GLG1: variants seen among roughly 807,000 people sequenced by gnomAD.
GLG1 encodes the protein Golgi apparatus protein 1.
In GLG1, 38 loss-of-function variants were observed where a neutral mutation model predicts 160.5. That is an observed-to-expected ratio of 0.24 (90% confidence interval 0.18 to 0.31). The LOEUF (loss-of-function observed/expected upper bound fraction) is 0.31. Among genes scored for constraint, GLG1 ranks in the 10% least tolerant of loss-of-function variants. The pLI, the probability that GLG1 is intolerant of heterozygous loss-of-function variation, is 1.00. For synonymous variants in GLG1, 644 were observed against 543.4 expected (o/e 1.19, Z -2.57); for missense variants, 1,373 against 1,505.2 (o/e 0.91, Z 1.45).
intron 1 of GLG1, among the ~76,000 whole-genome samples, chr16:74,542,145 A>G (rs1482478314): frequency 8.7e-5 from 13 of 149,930 alleles, no homozygotes; most frequent in Non-Finnish European, 1.8e-4. Flanking sequence ...AAGCACATGA[A>G]CCATCTGATG....
chr16:74,525,067 T>C (rs754028759), intron 2 of GLG1, among the ~76,000 whole-genome samples: 48 of 152,352 alleles, frequency 3.2e-4, no homozygotes, highest in Non-Finnish European at 3.2e-4. Flanking sequence ...GCATTTGGGC[T>C]GTTTCCATTT....
rs1002842681 is a variant in GLG1 at position 74,456,790 on chromosome 16, A to C, written c.3266-35T>G. ...GAAATGAATAATAAGAAGAACCTGA[A>C]ACTGTACAGAATAGAGAAATTTCTG... On this transcript the variant is annotated intron_variant, in intron 24 of 25. Transcript: ENST00000422840. 6.5e-6 allele frequency: 8 copies of C among 1,239,798 alleles called. No homozygotes were observed. In the African/African-American group the frequency reaches 1.2e-4, roughly 18 times the overall value. The allele number at this position is 1,239,798 out of a possible 1,614,324, so 76.8% of individuals were successfully genotyped here. A position where few individuals can be genotyped will look rare whatever the true frequency, so the allele number is the denominator to read the frequency against.
chr16:74,457,940 G>T lies in GLG1; in HGVS notation c.3199C>A (p.Leu1067Ile), dbSNP rs1367251345. 6.2e-7 allele frequency: 1 copy of T among 1,613,764 alleles called. No individual in the cohort carries two copies. Among genetic ancestry groups the T allele is most frequent in the Non-Finnish European group, 8.5e-7 (1 of 1,179,646 alleles). Residue 1067 changes from leucine to isoleucine, a missense_variant, in exon 24 of 26, where the codon CTT becomes ATT. Leu to Ile is a conservative substitution (Grantham distance 5, BLOSUM62 2). Transcript: ENST00000422840. Reference protein sequence around the residue: ...SKADIFVDPVLHTACALDIKH... With the variant: ...SKADIFVDPVIHTACALDIKH... ...ATGTCCAGGGCACAAGCAGTATGAA[G>T]TACCGGGTCAACAAAGATGTCTGCT...
intron 2 of GLG1, among the ~76,000 whole-genome samples, chr16:74,516,759 G>A (rs1597296578): frequency 6.6e-6 from 1 of 152,112 alleles, no homozygotes; most frequent in Non-Finnish European, 1.5e-5. Context: ...ATAAACCAAT[G>A]AATCCAGGAG....
chr16:74,600,552 C>T (rs781084615), intron 1 of GLG1, among the ~76,000 whole-genome samples: 5 of 150,888 alleles, frequency 3.3e-5, no homozygotes, highest in African/African-American at 7.3e-5. Context: ...GCCAGTGTGG[C>T]GAAACCCCCG....
chr16:74,486,670 T>C (rs946541428), intron 8 of GLG1, among the ~76,000 whole-genome samples: 1 of 152,132 alleles, frequency 6.6e-6, no homozygotes, highest in African/African-American at 2.4e-5. Context: ...ACTTGGGGCA[T>C]AGATGAAAAA....
At chr16:74,599,896 T>C (rs1418551207) in intron 1 of GLG1, among the ~76,000 whole-genome samples, 4 of 144,124 alleles carry the variant, frequency 2.8e-5, no homozygotes, top group Non-Finnish European at 6.0e-5. Context: ...TAGCCAGGCA[T>C]GGTGGCTGGT....
At chr16:74,490,167 T>G (rs1456329915) in intron 8 of GLG1, among the ~76,000 whole-genome samples, 1 of 152,170 alleles carries the variant, frequency 6.6e-6, no homozygotes, top group Non-Finnish European at 1.5e-5. Context: ...AAGACTCCTA[T>G]CCAGTAAAAA....
chr16:74,546,954 T>A (rs2018065667), intron 1 of GLG1, among the ~76,000 whole-genome samples: 1 of 150,748 alleles, frequency 6.6e-6, no homozygotes, highest in Non-Finnish European at 1.5e-5. Context: ...CAAAGGCTTA[T>A]CACTGAGCAA....
intron 1 of GLG1, 33 bp from the exon 2 acceptor site, chr16:74,532,186 A>G: frequency 1.6e-6 from 1 of 620,754 alleles, no homozygotes; most frequent in Non-Finnish European, 2.2e-6. Flanking sequence ...GATGATGTAA[A>G]AAAAAAAATA....
At chr16:74,478,485 G>T (rs990807250) in intron 11 of GLG1, among the ~76,000 whole-genome samples, 2 of 152,188 alleles carry the variant, frequency 1.3e-5, no homozygotes, top group African/African-American at 4.8e-5. Context: ...CATACCTGGG[G>T]CAGGAGGGAT....
rs764704919 is a variant in GLG1, at chr16:74,465,715, T to C, written c.2628A>G (p.Leu876=). Reference sequence around the variant, plus strand: ...TGCAGACCCTCATGAGGGTGTAGTCTAGCTCTGGGTCCATCATCTCTGTCT... The same window carrying C: ...TGCAGACCCTCATGAGGGTGTAGTCCAGCTCTGGGTCCATCATCTCTGTCT... The part of the protein sequence containing the change: ...LQETEMMDPE[L]DYTLMRVCKQ... Residue 876 remains leucine (L), a synonymous_variant, in exon 19 of 26, where the codon CTA becomes CTG. Coordinates refer to ENST00000422840, the MANE Select transcript of GLG1 (RefSeq NM_001145667.2). 27 of 1,613,756 alleles carry C rather than the reference T, an allele frequency of 1.7e-5. 1 individual carries two copies. In the South Asian group the frequency reaches 2.9e-4, roughly 17 times the overall value.
chr16:74,519,057 T>A (rs1256257532), intron 2 of GLG1, among the ~76,000 whole-genome samples: 1 of 152,172 alleles, frequency 6.6e-6, no homozygotes. Context: ...GTGGCACTAT[T>A]CACAATAGCA....
At chr16:74,456,482 T>G in intron 25 of GLG1, 167 bp downstream of exon 25, 1 of 597,798 alleles carries the variant, frequency 1.7e-6, no homozygotes, top group Non-Finnish European at 2.9e-6. Flanking sequence ...TCAAACGCAC[T>G]TATTGCTAGT....
intron 1 of GLG1, among the ~76,000 whole-genome samples, chr16:74,566,620 C>T (rs79488601): frequency 6.6e-6 from 1 of 152,030 alleles, no homozygotes; most frequent in South Asian, 2.1e-4. Flanking sequence ...GAGCAGGTCT[C>T]TTTTTTTCCC....
At chr16:74,544,251 C>G (rs919303151) in intron 1 of GLG1, among the ~76,000 whole-genome samples, 1 of 152,208 alleles carries the variant, frequency 6.6e-6, no homozygotes, top group Non-Finnish European at 1.5e-5. Context: ...GATCTGGGAA[C>G]AAATTTGGGC....
At chr16:74,503,837 G>C in intron 3 of GLG1, 91 bp from the exon 4 acceptor site, 1 of 835,168 alleles carries the variant, frequency 1.2e-6, no homozygotes. Context: ...AAATTTTCCT[G>C]TTGATTTCCT....
intron 8 of GLG1, among the ~76,000 whole-genome samples, 173 bp from the exon 9 acceptor site, chr16:74,486,090 G>A (rs2015777202): frequency 6.6e-6 from 1 of 152,156 alleles, no homozygotes; most frequent in Non-Finnish European, 1.5e-5. Context: ...TTTTCCAACT[G>A]GTTTCTCTAC....
intron 1 of GLG1, among the ~76,000 whole-genome samples, chr16:74,587,307 T>C (rs1958076662): frequency 6.6e-6 from 1 of 152,148 alleles, no homozygotes; most frequent in South Asian, 2.1e-4. Context: ...CAGAATTGGA[T>C]AGTCTTGCTG....
Sources: allele counts gnomAD v4.1 joint callset (sites outside exome capture counted in the v4.1 genomes callset), GRCh38; gene constraint gnomAD v4.1.1; transcripts MANE v1.5; gene names NCBI Gene and HGNC (gene_info 2026-07-23, HGNC 2026-07-21).